The following MYO18B variants were observed in gnomAD, a reference collection of about 807,000 sequenced individuals.
The protein encoded by MYO18B is unconventional myosin-XVIIIb.
In MYO18B, 204 loss-of-function variants were observed where a neutral mutation model predicts 273.0. The ratio of observed to expected loss-of-function variants is 0.75; its 90% CI spans 0.67 to 0.84. The LOEUF (loss-of-function observed/expected upper bound fraction) is 0.84. Ranked by LOEUF, MYO18B falls within the 40% of genes least tolerant of loss-of-function variation. The pLI is 0.00. For missense variants in MYO18B, 3,212 were observed against 3,287.6 expected, an observed-to-expected ratio of 0.98 and a Z score of 0.56; for synonymous variants, 1,330 against 1,305.7, an observed-to-expected ratio of 1.02 and a Z score of -0.40.
At chr22:26,047,541 A>G in the MYO18B span, among the ~76,000 whole-genome samples, 2 of 152,154 alleles carry the variant, frequency 1.3e-5, no homozygotes, top group Non-Finnish European at 2.9e-5. Flanking sequence ...ATAACCGGTT[A>G]CCACCATGAT....
At position 25,826,515 on chromosome 22, in the gene MYO18B, C is replaced by T. The variant is rs972342601; in HGVS notation, c.2786+16C>T. ...TCATCAACAGGTAACGGGGCCTTTT[C>T]CTAGGCACACAGTTGGCCTCTTGCA... is the stretch of plus-strand genomic sequence containing the variant. On this transcript the variant is annotated intron_variant, in intron 14 of 43. Coordinates refer to ENST00000335473, the MANE Select transcript of MYO18B (RefSeq NM_032608.7). The T allele has an allele frequency of 1.9e-6, 3 of 1,607,800 alleles. No homozygotes were observed. Among genetic ancestry groups the T allele is most frequent in the Non-Finnish European group, 2.6e-6 (3 of 1,175,764 alleles).
Position 25,910,278 on chromosome 22 carries a change from G to A in MYO18B, c.5260-668G>A, listed in dbSNP as rs1479668119. Among the ~76,000 whole-genome samples the A allele has an allele frequency of 2.6e-5, 4 of 152,312 alleles. No homozygotes were observed. The East Asian group carries it at 7.7e-4, about 29-fold the overall frequency. On this transcript the variant is annotated intron_variant, in intron 32 of 43. Transcript: ENST00000335473. Reference sequence around the variant, plus strand: ...GCAGATTCAGTGTCTGGCGAGGGCTGTCTTCCTGGCTTGCAGACCACCACC... The same window carrying A: ...GCAGATTCAGTGTCTGGCGAGGGCTATCTTCCTGGCTTGCAGACCACCACC...
chr22:26,006,218 C>T (rs2146926270), intron 42 of MYO18B, among the ~76,000 whole-genome samples: 1 of 152,168 alleles, frequency 6.6e-6, no homozygotes, highest in African/African-American at 2.4e-5. Context: ...GAATTGCAGC[C>T]TAACCTAAGT....
At chr22:25,963,285 A>G (rs1474410080) in intron 39 of MYO18B, among the ~76,000 whole-genome samples, 1 of 151,784 alleles carries the variant, frequency 6.6e-6, no homozygotes, top group Non-Finnish European at 1.5e-5. Context: ...CAAAACCTGG[A>G]TATCTTAAAA....
intron 12 of MYO18B, among the ~76,000 whole-genome samples, chr22:25,816,705 A>G (rs1236474518): frequency 1.3e-5 from 2 of 152,162 alleles, no homozygotes; most frequent in East Asian, 3.8e-4. Context: ...ACAGAGGAGG[A>G]GACTGAGGCT....
At position 25,940,498 on chromosome 22, in the gene MYO18B, T is replaced by C. The variant is rs576204706; in HGVS notation, c.5518-5639T>C. Among the ~76,000 whole-genome samples the C allele has an allele frequency of 6.6e-5, 10 of 152,314 alleles. No individual in the cohort carries two copies. The South Asian group carries it at 2.1e-3, about 32-fold the overall frequency. On this transcript the variant is annotated intron_variant, in intron 34 of 43. Coordinates refer to ENST00000335473, the MANE Select transcript of MYO18B (RefSeq NM_032608.7). Reference sequence around the variant, plus strand: ...TAGTGTGAGAACAGACTAATACGCATGGGAAAAATCAAAGTTCAGTAACCT... The same window carrying C: ...TAGTGTGAGAACAGACTAATACGCACGGGAAAAATCAAAGTTCAGTAACCT...
chr22:25,916,996 C>T (rs1457278847), intron 33 of MYO18B, among the ~76,000 whole-genome samples: 2 of 152,288 alleles, frequency 1.3e-5, no homozygotes, highest in East Asian at 3.9e-4. Context: ...TGCGCCACTG[C>T]ACTCCAGCCT....
At chr22:25,756,938 G>T (rs974260601) in intron 1 of MYO18B, among the ~76,000 whole-genome samples, 11 of 152,300 alleles carry the variant, frequency 7.2e-5, no homozygotes, top group Admixed American at 4.6e-4. Flanking sequence ...GCATGTGCCT[G>T]TAATCCCAGC....
chr22:25,849,800 C>T (rs898884034), intron 20 of MYO18B, among the ~76,000 whole-genome samples: 8 of 152,086 alleles, frequency 5.3e-5, no homozygotes, highest in Non-Finnish European at 1.2e-4. Flanking sequence ...GGGCTGGGTG[C>T]GTCAATAAGA....
chr22:25,932,148 A>T (rs1167407298), intron 34 of MYO18B, among the ~76,000 whole-genome samples: 1 of 152,226 alleles, frequency 6.6e-6, no homozygotes, highest in Non-Finnish European at 1.5e-5. Flanking sequence ...TTTAAAACTT[A>T]CAGAGAAGTT....
chr22:25,953,315 C>T (rs557298573), intron 38 of MYO18B, among the ~76,000 whole-genome samples: 68 of 152,226 alleles, frequency 4.5e-4, no homozygotes, highest in African/African-American at 1.2e-3. Flanking sequence ...AAGATGACCC[C>T]GGAGAGGTCA....
rs539444561 is a variant in MYO18B at position 25,858,928 on chromosome 22, A to C, written c.3885+7349A>C. ...GGCTTTCTGAGCACATACTGTGTCTAATCTGCTCACTGGCTGTGTGACATT... is the reference window on the plus strand; with the variant it reads ...GGCTTTCTGAGCACATACTGTGTCTCATCTGCTCACTGGCTGTGTGACATT... On this transcript the variant is annotated intron_variant, in intron 21 of 43. Coordinates refer to ENST00000335473, the MANE Select transcript of MYO18B (RefSeq NM_032608.7). Among the ~76,000 whole-genome samples the C allele has an allele frequency of 1.1e-4, 16 of 152,322 alleles. No individual in the cohort carries two copies. The East Asian group carries it at 2.9e-3, about 28-fold the overall frequency.
intron 34 of MYO18B, among the ~76,000 whole-genome samples, chr22:25,923,852 C>A (rs1306961789): frequency 6.6e-6 from 1 of 152,164 alleles, no homozygotes; most frequent in Non-Finnish European, 1.5e-5. Flanking sequence ...AGAAACCACA[C>A]AGAGATTTTG....
chr22:25,889,753 C>T (rs1177967822), intron 25 of MYO18B, among the ~76,000 whole-genome samples: 1 of 151,956 alleles, frequency 6.6e-6, no homozygotes, highest in Admixed American at 6.6e-5. Flanking sequence ...AGAAGCCCTG[C>T]TCATTTGGCA....
At chr22:25,846,906 C>G (rs5761273) in intron 19 of MYO18B, among the ~76,000 whole-genome samples, 1 of 151,794 alleles carries the variant, frequency 6.6e-6, no homozygotes, top group African/African-American at 2.4e-5. Flanking sequence ...ATGGTGAAAC[C>G]CTGTCTTTAC....
Position 25,868,324 on chromosome 22 carries a change from T to C in MYO18B, c.3890T>C (p.Val1297Ala). The C allele has an allele frequency of 3.7e-6, 6 of 1,601,980 alleles. No individual in the cohort carries two copies. Among genetic ancestry groups the C allele is most frequent in the South Asian group, 1.1e-5 (1 of 88,204 alleles). ...TCTCTCTAATTTTTTCCCCAGGCCG[T>C]GGAGGAGCTCCTGGAGACCCTGGAT... ...TSEGIDERKA[V>A]EELLETLDLE... The change falls in exon 22 of 44, where the codon GTG (valine) becomes GCG (alanine). Residue 1297 changes from valine to alanine, a missense_variant. Physicochemically the swap from Val to Ala is moderately conservative, Grantham distance 64. Coordinates refer to ENST00000335473, the MANE Select transcript of MYO18B (RefSeq NM_032608.7).
At chr22:25,952,793 TCCTA>T (rs2092808207) in intron 38 of MYO18B, among the ~76,000 whole-genome samples, 1 of 152,168 alleles carries the variant, frequency 6.6e-6, no homozygotes, top group Non-Finnish European at 1.5e-5. Context: ...ATCCAGTTCT[TCCTA>T]CCTCCGTCCA....
rs1473396105 is a variant in MYO18B, at chr22:25,894,909, A to G, written c.4544-247A>G. ...ACAACTAAACAGTATAAGGCAACCA[A>G]TCTTAGAAGAGTGAGCACTCAAGAA... is the stretch of plus-strand genomic sequence containing the variant. On this transcript the variant is annotated intron_variant, in intron 27 of 43. Transcript: ENST00000335473. 10 of 459,142 alleles carry G rather than the reference A, an allele frequency of 2.2e-5. No homozygotes were observed. The South Asian group carries it at 2.9e-4, about 13-fold the overall frequency. 28.4% of individuals were successfully genotyped at this position (459,142 alleles called of 1,614,324 possible).
chr22:25,767,011 G>A (rs2086530034), intron 3 of MYO18B, among the ~76,000 whole-genome samples: 1 of 152,252 alleles, frequency 6.6e-6, no homozygotes, highest in Admixed American at 6.5e-5. Context: ...TTGAATGCAA[G>A]AGGAGGGGGA....
Sources: allele counts gnomAD v4.1 joint callset (sites outside exome capture counted in the v4.1 genomes callset), GRCh38; gene constraint gnomAD v4.1.1; transcripts MANE v1.5; gene names NCBI Gene and HGNC (gene_info 2026-07-23, HGNC 2026-07-21).